Variants in COG5 observed in about 807,000 individuals in gnomAD.
COG5 encodes conserved oligomeric Golgi complex subunit 5.
COG5 carries 86 observed loss-of-function variants against 110.4 expected under a neutral mutation model. The ratio of observed to expected loss-of-function variants is 0.78; its 90% CI spans 0.65 to 0.93. The LOEUF is 0.93. Among genes scored for constraint, COG5 ranks in the 40% least tolerant of loss-of-function variants. The pLI is 0.00. For missense variants in COG5, 1,077 were observed against 987.0 expected (o/e 1.09, Z -1.22); for synonymous variants, 360 against 334.6 (o/e 1.08, Z -0.83).
intron 6 of COG5, among the ~76,000 whole-genome samples, chr7:107,514,323 C>T (rs934832862): frequency 7.4e-6 from 1 of 135,578 alleles, no homozygotes; most frequent in South Asian, 2.4e-4. Context: ...TAAACATGGC[C>T]TATTTTACAC....
chr7:107,332,199 T>C (rs937986834), intron 10 of COG5, among the ~76,000 whole-genome samples: 1 of 152,124 alleles, frequency 6.6e-6, no homozygotes, highest in African/African-American at 2.4e-5. Context: ...TTAAGTGTTA[T>C]CAGCATTTAG....
intron 1 of COG5, among the ~76,000 whole-genome samples, chr7:107,562,879 A>G (rs996837778): frequency 6.6e-6 from 1 of 152,172 alleles, no homozygotes; most frequent in Admixed American, 6.6e-5. Flanking sequence ...TGATGAATTT[A>G]AAAAACATTC....
intron 14 of COG5, among the ~76,000 whole-genome samples, chr7:107,258,971 T>A (rs1247503341): frequency 6.6e-6 from 1 of 152,144 alleles, no homozygotes; most frequent in Non-Finnish European, 1.5e-5. Context: ...TATGATTTTT[T>A]ATAGATTAAA....
At chr7:107,312,209 T>C (rs1808330686) in intron 11 of COG5, among the ~76,000 whole-genome samples, 1 of 152,224 alleles carries the variant, frequency 6.6e-6, no homozygotes, top group South Asian at 2.1e-4. Context: ...TATTTTGATT[T>C]TTACAGTTCG....
chr7:107,325,111 T>C (rs891243742), intron 10 of COG5, among the ~76,000 whole-genome samples: 1 of 152,174 alleles, frequency 6.6e-6, no homozygotes, highest in Non-Finnish European at 1.5e-5. Flanking sequence ...CTACTCAGTT[T>C]AGCATGATAC....
At position 107,475,262 on chromosome 7, in the gene COG5, T is replaced by C. The variant is rs151252193; in HGVS notation, c.538+51975A>G. 2.2e-5 allele frequency: 36 copies of C among 1,603,322 alleles called. No individual in the cohort carries two copies. The highest frequency in any genetic ancestry group is 2.9e-5 in the Non-Finnish European group (34 of 1,170,894). On this transcript the variant is annotated intron_variant, in intron 6 of 21. Coordinates refer to ENST00000297135, the MANE Select transcript of COG5 (RefSeq NM_006348.5). Reference sequence around the variant, plus strand: ...GATCCCCTGCCTAATAATGCTGTAATACACAACTCTTGGATAGATCCTAAA... The same window carrying C: ...GATCCCCTGCCTAATAATGCTGTAACACACAACTCTTGGATAGATCCTAAA...
intron 5 of COG5, 84 bp downstream of exon 5, chr7:107,548,027 T>C: frequency 8.6e-7 from 1 of 1,157,414 alleles, no homozygotes; most frequent in South Asian, 1.3e-5. Context: ...CTCTTACTTC[T>C]TCCAAACTCA....
rs774618878 is a variant in COG5, at chr7:107,298,148, T to A, written c.1307A>T (p.Asp436Val). 1 of 1,561,094 alleles carries A rather than the reference T, an allele frequency of 6.4e-7. No homozygotes were observed. The highest frequency in any genetic ancestry group is 1.3e-5 in the South Asian group (1 of 79,682). ...TCAAATTAAACAAACATACTCATAA[T>A]CTGGCTTTTTTGGTATGAATATATC... is the stretch of plus-strand genomic sequence containing the variant. ...AQDIFIPKKP[D>V]YDPEKALKDS... is the part of the protein sequence containing the mutation. The change falls in exon 12 of 22, where the codon GAT becomes GTT. Residue 436 changes from aspartate (D) to valine (V), a missense_variant. Physicochemically the swap from Asp to Val is radical, Grantham distance 152. Transcript: ENST00000297135.
chr7:107,315,272 C>A (rs967240171), intron 11 of COG5, among the ~76,000 whole-genome samples: 1 of 151,562 alleles, frequency 6.6e-6, no homozygotes, highest in Non-Finnish European at 1.5e-5. Flanking sequence ...AGATAATGAG[C>A]TTTAGTATAC....
rs201903481 is a variant in COG5 at position 107,552,517 on chromosome 7, G to GA, written c.292+1767dup. 2.7e-5 allele frequency among the ~76,000 whole-genome samples: 4 copies of GA among 150,206 alleles called. No individual in the cohort carries two copies. In the South Asian group the frequency reaches 6.3e-4, roughly 24 times the overall value. On this transcript the variant is annotated intron_variant, in intron 3 of 21. Transcript: ENST00000297135. ...AGGCATACATGCAGGCAACACACAT[G>GA]AAAAAAAAATGCTCAACATCACCAA...
chr7:107,340,641 T>C (rs1442240818), intron 10 of COG5, among the ~76,000 whole-genome samples: 1 of 152,116 alleles, frequency 6.6e-6, no homozygotes, highest in Non-Finnish European at 1.5e-5. Flanking sequence ...AACAAAATAC[T>C]AGCAAATGGA....
At chr7:107,283,205 T>TA (rs1049494165) in intron 13 of COG5, among the ~76,000 whole-genome samples, 6 of 151,928 alleles carry the variant, frequency 3.9e-5, no homozygotes, top group Admixed American at 1.3e-4. Context: ...GAGTTTAGGA[T>TA]AAAAAAAAGT....
At chr7:107,554,547 G>C (rs1803161197) in intron 2 of COG5, among the ~76,000 whole-genome samples, 1 of 152,174 alleles carries the variant, frequency 6.6e-6, no homozygotes, top group South Asian at 2.1e-4. Context: ...AGCAAGAGGA[G>C]TTACAGCCTT....
chr7:107,550,254 C>T (rs1264835973), intron 3 of COG5, among the ~76,000 whole-genome samples: 1 of 152,170 alleles, frequency 6.6e-6, no homozygotes, highest in Admixed American at 6.5e-5. Context: ...ACTCCATCTG[C>T]CACCACTCTA....
At chr7:107,370,208 T>C (rs976163264) in intron 8 of COG5, among the ~76,000 whole-genome samples, 14 of 152,130 alleles carry the variant, frequency 9.2e-5, no homozygotes, top group Admixed American at 3.9e-4. Context: ...TGTGTAGTGG[T>C]TGTGTTAGAT....
chr7:107,517,506 A>C (rs1291764314), intron 6 of COG5, among the ~76,000 whole-genome samples: 3 of 152,142 alleles, frequency 2.0e-5, no homozygotes, highest in Middle Eastern at 6.3e-3. Flanking sequence ...CACCACTAAG[A>C]TATTCCATGA....
chr7:107,358,592 C>CA (rs1344730090), intron 10 of COG5, among the ~76,000 whole-genome samples: 2 of 152,170 alleles, frequency 1.3e-5, no homozygotes, highest in Non-Finnish European at 2.9e-5. Flanking sequence ...TCTAGGAACT[C>CA]AGATTTTGAG....
At chr7:107,332,721 AG>A (rs777745031) in intron 10 of COG5, among the ~76,000 whole-genome samples, 37 of 152,292 alleles carry the variant, frequency 2.4e-4, no homozygotes, top group Middle Eastern at 6.8e-3. Context: ...AAAGAGAAGC[AG>A]GGAAGTAGAG....
intron 17 of COG5, 149 bp downstream of exon 17, chr7:107,248,247 A>G (rs1214080759): frequency 4.6e-6 from 3 of 647,372 alleles, no homozygotes; most frequent in Non-Finnish European, 5.5e-6. Flanking sequence ...GGCGCTCACA[A>G]TGGGTAATGA....
Sources: gnomAD v4.1 joint callset for allele counts (sites outside exome capture counted in the v4.1 genomes callset) on GRCh38, gnomAD v4.1.1 for gene constraint, MANE v1.5 for transcripts, NCBI Gene and HGNC (gene_info 2026-07-23, HGNC 2026-07-21) for gene names.